The following DST variants were observed in gnomAD, a reference collection of about 807,000 sequenced individuals.
The protein encoded by DST is bullous pemphigoid antigen.
DST carries 253 observed loss-of-function variants against 875.2 expected under a neutral mutation model. The ratio of observed to expected loss-of-function variants is 0.29; its 90% CI spans 0.26 to 0.32. The LOEUF (loss-of-function observed/expected upper bound fraction) is 0.32. DST is among the 10% of genes least tolerant of loss of function. The pLI is 1.00. For missense variants in DST, 8,287 were observed against 9,111.6 expected, an observed-to-expected ratio of 0.91 and a Z score of 3.68; for synonymous variants, 3,124 against 3,197.1, an observed-to-expected ratio of 0.98 and a Z score of 0.77.
At chr6:56,577,825 T>C (rs899731576) in intron 50 of DST, among the ~76,000 whole-genome samples, 1 of 152,166 alleles carries the variant, frequency 6.6e-6, no homozygotes, top group African/African-American at 2.4e-5. Context: ...AAAATATGTA[T>C]TGATAATCCA....
intron 80 of DST, among the ~76,000 whole-genome samples, chr6:56,500,544 C>G (rs1289778804): frequency 6.6e-6 from 1 of 151,928 alleles, no homozygotes; most frequent in African/African-American, 2.4e-5. Context: ...CAGTCAAAGA[C>G]AAGAGTGACA....
At chr6:56,464,351 A>G in intron 100 of DST, 1 of 345,038 alleles carries the variant, frequency 2.9e-6, no homozygotes. Context: ...TGTTTTACCA[A>G]CATGCAATAA....
rs569665465 is a variant in DST, at chr6:56,847,002, C to CAAA, written c.625+4392_625+4394dup. Among the ~76,000 whole-genome samples the CAAA allele has an allele frequency of 2.9e-3, 150 of 51,950 alleles. 2 individuals are homozygous for CAAA. Among genetic ancestry groups the CAAA allele is most frequent in the African/African-American group, 8.1e-3 (120 of 14,904 alleles). 34.1% of individuals were successfully genotyped at this position (51,950 alleles called of 152,430 possible). ...TGAGAAAGAGAGGAAGACCCTGTCT[C>CAAA]AAAAAAAAAAAAAAAAAAAAAAAAG... On this transcript the variant is annotated intron_variant, in intron 4 of 103. Transcript: ENST00000680361.
intron 4 of DST, among the ~76,000 whole-genome samples, chr6:56,825,059 G>C (rs1226091363): frequency 2.0e-5 from 3 of 152,192 alleles, no homozygotes; most frequent in Admixed American, 6.5e-5. Flanking sequence ...AATAGAAAGG[G>C]CGGAAAGGTG....
intron 10 of DST, among the ~76,000 whole-genome samples, chr6:56,659,945 G>A (rs533371852): frequency 1.5e-4 from 23 of 152,140 alleles, no homozygotes; most frequent in Admixed American, 1.4e-3. Context: ...CAGCAGCAGC[G>A]GGGGTGAGGA....
At chr6:56,871,776 T>TAAAAAAAAAAAAAAAAAAAG (rs1777268633) in intron 3 of DST, 6 of 95,506 alleles carry the variant, frequency 6.3e-5, no homozygotes, top group South Asian at 2.1e-4. Flanking sequence ...CAATTAAAAG[T>TAAAAAAAAAAAAAAAAAAAG]AAAAAAAAAA....
intron 4 of DST, among the ~76,000 whole-genome samples, chr6:56,766,012 GT>G (rs2099632443): frequency 6.6e-6 from 1 of 152,186 alleles, no homozygotes; most frequent in South Asian, 2.1e-4. Flanking sequence ...TACTTAGCTA[GT>G]CACACGCACA....
chr6:56,882,337 A>C (rs1782624679), intron 3 of DST, among the ~76,000 whole-genome samples: 1 of 152,250 alleles, frequency 6.6e-6, no homozygotes, highest in East Asian at 1.9e-4. Flanking sequence ...GTTTTGGAGA[A>C]AGTAAATGGG....
chr6:56,767,461 ACAAAAATTAG>A (rs111335673), intron 4 of DST, among the ~76,000 whole-genome samples: 4 of 152,158 alleles, frequency 2.6e-5, no homozygotes, highest in African/African-American at 9.6e-5. Context: ...TACTAAAAAT[ACAAAAATTAG>A]CGTGGCATGG....
intron 61 of DST, among the ~76,000 whole-genome samples, chr6:56,538,093 C>T (rs1039041131): frequency 1.3e-5 from 2 of 152,134 alleles, no homozygotes; most frequent in African/African-American, 4.8e-5. Context: ...AGCCATCCTC[C>T]CACCTTAGCC....
At chr6:56,687,801 G>C (rs2099198341) in intron 9 of DST, among the ~76,000 whole-genome samples, 1 of 150,836 alleles carries the variant, frequency 6.6e-6, no homozygotes, top group Non-Finnish European at 1.5e-5. Context: ...AAAAAAAAGT[G>C]TGAAAATGCT....
At chr6:56,611,208 G>A (rs2098541451) in intron 38 of DST, among the ~76,000 whole-genome samples, 1 of 152,054 alleles carries the variant, frequency 6.6e-6, no homozygotes, top group Non-Finnish European at 1.5e-5. Flanking sequence ...GTACTACTTA[G>A]ATTTAAGACT....
rs1191730606 is a variant in DST at position 56,851,590 on chromosome 6, C to T, written c.432G>A (p.Ala144=). 6.2e-7 allele frequency: 1 copy of T among 1,613,858 alleles called. No individual in the cohort carries two copies. Among genetic ancestry groups the T allele is most frequent in the Non-Finnish European group, 8.5e-7 (1 of 1,179,832 alleles). The change falls in exon 4 of 104, where the codon GCG becomes GCA. Residue 144 remains alanine, a synonymous_variant. Coordinates refer to ENST00000680361, the MANE Select transcript of DST (RefSeq NM_001374736.1). ...AGGAAGACATAGAGCAGCGATAGGACGCGTTCCCGGAACTCTACAGAGAAT... is the reference window on the plus strand; with the variant it reads ...AGGAAGACATAGAGCAGCGATAGGATGCGTTCCCGGAACTCTACAGAGAAT... ...ASIRRPSSGN[A]SYRCSMSSSA...
At chr6:56,654,286 T>G (rs2098991961) in intron 10 of DST, among the ~76,000 whole-genome samples, 1 of 117,732 alleles carries the variant, frequency 8.5e-6, no homozygotes, top group South Asian at 2.2e-4. Flanking sequence ...CATGTTTATA[T>G]CCCAGCTTTA....
chr6:56,891,125 C>G (rs1592136428), intron 3 of DST, among the ~76,000 whole-genome samples: 1 of 152,308 alleles, frequency 6.6e-6, no homozygotes, highest in African/African-American at 2.4e-5. Context: ...GCATTAAAAG[C>G]AGGGAAATGT....
At chr6:56,876,737 G>T (rs1189431467) in intron 3 of DST, among the ~76,000 whole-genome samples, 1 of 152,072 alleles carries the variant, frequency 6.6e-6, no homozygotes, top group East Asian at 1.9e-4. Context: ...ACATCAACTG[G>T]GTTCTCAGCA....
chr6:56,509,794 G>A lies in DST; in HGVS notation c.18860C>T (p.Ala6287Val). ...CTGTTCCTTGATCTTCTCAACCTCT[G>A]CAGAGATAGAGGGTGGCTGCCTCAG... ...ERLRQPPSIS[A>V]EVEKIKEQIS... Residue 6287 changes from alanine (A) to valine (V), a missense_variant, in exon 74 of 104, where the codon GCA (alanine) becomes GTA (valine). Coordinates refer to ENST00000680361, the MANE Select transcript of DST (RefSeq NM_001374736.1). 6.2e-7 allele frequency: 1 copy of A among 1,613,596 alleles called. No individual in the cohort carries two copies. The highest frequency in any genetic ancestry group is 1.7e-4 in the Middle Eastern group (1 of 6,060).
intron 4 of DST, among the ~76,000 whole-genome samples, chr6:56,748,432 A>G (rs2099578558): frequency 6.6e-6 from 1 of 152,200 alleles, no homozygotes; most frequent in African/African-American, 2.4e-5. Context: ...AAGTTTTCTC[A>G]TCTATAAAAC....
intron 2 of DST, among the ~76,000 whole-genome samples, chr6:56,952,853 G>C (rs1823036202): frequency 6.6e-6 from 1 of 152,096 alleles, no homozygotes; most frequent in Non-Finnish European, 1.5e-5. Context: ...TCACCTTCCA[G>C]GGCTATATAC....
Sources: allele counts gnomAD v4.1 joint callset (sites outside exome capture counted in the v4.1 genomes callset), GRCh38; gene constraint gnomAD v4.1.1; transcripts MANE v1.5; gene names NCBI Gene and HGNC (gene_info 2026-07-23, HGNC 2026-07-21).